PCDHA6: variants seen among roughly 807,000 people sequenced by gnomAD.
PCDHA6 encodes the protein protocadherin alpha-6.
PCDHA6 carries 55 observed loss-of-function variants against 60.3 expected under a neutral mutation model. That is an observed-to-expected ratio of 0.91 (90% confidence interval 0.73 to 1.14). The LOEUF (loss-of-function observed/expected upper bound fraction) is 1.14. Among genes scored for constraint, PCDHA6 ranks in the 50% most tolerant of loss-of-function variants. The probability of loss-of-function intolerance (pLI) is 0.00; values close to 1 mark genes in which losing one functional copy is unlikely to be tolerated. For synonymous variants in PCDHA6, 652 were observed against 557.9 expected, an observed-to-expected ratio of 1.17 and a Z score of -2.38; for missense variants, 1,327 against 1,256.5, an observed-to-expected ratio of 1.06 and a Z score of -0.85.
At position 140,830,444 on chromosome 5, in the gene PCDHA6, A is replaced by G. The variant is rs1204273362; in HGVS notation, c.2353A>G (p.Lys785Glu). ...SLSPCPIMMG[K>E]AENQDLNEDH... ...TTCACCTTGTCCTATTATGATGGGT[A>G]AGGCGGAGAATCAGGATTTAAATGA... Residue 785 changes from lysine (K) to glutamate (E), a missense_variant, in exon 1 of 4, where the codon AAG becomes GAG. Lys to Glu is a moderately conservative substitution (Grantham distance 56). Coordinates refer to ENST00000529310, the MANE Select transcript of PCDHA6 (RefSeq NM_018909.4). 2 of 1,603,464 alleles carry G rather than the reference A, an allele frequency of 1.2e-6. No homozygotes were observed. Among genetic ancestry groups the G allele is most frequent in the African/African-American group, 2.7e-5 (2 of 74,704 alleles).
intron 1 of PCDHA6, among the ~76,000 whole-genome samples, chr5:140,832,258 A>G (rs2150200533): frequency 6.6e-6 from 1 of 152,304 alleles, no homozygotes; most frequent in African/African-American, 2.4e-5. Context: ...TGTTCCCAGG[A>G]AATATTAGAC....
chr5:140,884,019 C>G, intron 1 of PCDHA6: 1 of 1,613,216 alleles, frequency 6.2e-7, no homozygotes. Flanking sequence ...ATGCCGCGGT[C>G]GGTGGGTGCA....
rs2150459394 is a variant in PCDHA6 at position 140,849,947 on chromosome 5, G to A, written c.2394+19462G>A. ...CGGTGTCTGCGCGGGACGCTGACGC[G>A]CAGGAGAACGCCCTGGTGTCCTACT... On this transcript the variant is annotated intron_variant, in intron 1 of 3. Transcript: ENST00000529310. 23 of 1,597,838 alleles carry A rather than the reference G, an allele frequency of 1.4e-5. 5 individuals carry two copies. The highest frequency in any genetic ancestry group is 3.3e-5 in the South Asian group (3 of 90,532).
At chr5:140,864,164 C>T (rs80100422) in intron 1 of PCDHA6, 19,126 of 151,926 alleles carry the variant, frequency 0.13, 1,273 homozygotes, top group Middle Eastern at 0.19. Context: ...TAAATCTTAC[C>T]GGAAGGATCA....
chr5:140,999,528 T>A (rs1414595805), intron 3 of PCDHA6, among the ~76,000 whole-genome samples: 1 of 152,080 alleles, frequency 6.6e-6, no homozygotes, highest in Non-Finnish European at 1.5e-5. Context: ...TGTTACCCCC[T>A]GGATATGACA....
At chr5:140,898,970 C>T (rs2067071539) in intron 1 of PCDHA6, among the ~76,000 whole-genome samples, 2 of 152,006 alleles carry the variant, frequency 1.3e-5, no homozygotes, top group South Asian at 4.2e-4. Context: ...TGGGAGTTCA[C>T]TCATGATTTG....
chr5:140,944,743 T>A (rs1307968034), intron 1 of PCDHA6, among the ~76,000 whole-genome samples: 2 of 152,238 alleles, frequency 1.3e-5, no homozygotes, highest in East Asian at 3.8e-4. Flanking sequence ...TCTGAGCATT[T>A]ACATGGAAAA....
chr5:140,953,456 C>T (rs1159331179), intron 1 of PCDHA6, among the ~76,000 whole-genome samples: 1 of 152,110 alleles, frequency 6.6e-6, no homozygotes, highest in Admixed American at 6.5e-5. Context: ...GATTATCTGT[C>T]AGAGTTTTAA....
intron 1 of PCDHA6, chr5:140,835,625 C>T: frequency 6.2e-7 from 1 of 1,613,902 alleles, no homozygotes; most frequent in Non-Finnish European, 8.5e-7. Flanking sequence ...GCGCTCTGGA[C>T]CGCGAGAGTG....
chr5:140,903,401 T>C (rs577425497), intron 1 of PCDHA6, among the ~76,000 whole-genome samples: 1 of 152,218 alleles, frequency 6.6e-6, no homozygotes, highest in Non-Finnish European at 1.5e-5. Context: ...GAAACAGTAG[T>C]GCAGTCAGGA....
At chr5:140,927,417 G>A (rs74597681) in intron 1 of PCDHA6, 37,118 of 1,614,096 alleles carry the variant, frequency 0.023, 560 homozygotes, top group African/African-American at 0.056. Flanking sequence ...ACATGGGATC[G>A]CGGGTTGACG....
intron 1 of PCDHA6, chr5:140,862,974 T>G: frequency 1.8e-6 from 1 of 545,638 alleles, no homozygotes; most frequent in Non-Finnish European, 3.6e-6. Flanking sequence ...GCAGGCCACT[T>G]GGTGGCGAAG....
intron 1 of PCDHA6, among the ~76,000 whole-genome samples, chr5:140,909,911 A>T (rs747486870): frequency 1.3e-5 from 2 of 152,144 alleles, no homozygotes; most frequent in Non-Finnish European, 2.9e-5. Flanking sequence ...AATGGCAATC[A>T]TTTCCCTTTC....
chr5:140,871,208 C>A (rs782698436), intron 1 of PCDHA6: 1 of 1,613,802 alleles, frequency 6.2e-7, no homozygotes, highest in Non-Finnish European at 8.5e-7. Context: ...CTGATCATCG[C>A]CATCTGCGTG....
chr5:140,857,186 G>A lies in PCDHA6; in HGVS notation c.2394+26701G>A, dbSNP rs782390373. On this transcript the variant is annotated intron_variant, in intron 1 of 3. Coordinates refer to ENST00000529310, the MANE Select transcript of PCDHA6 (RefSeq NM_018909.4). ...CAGCGTTTCTGACCATGATTCAGGA[G>A]CCAACGGACAGGTCACCTGCTCTCT... 5.0e-6 allele frequency: 8 copies of A among 1,598,548 alleles called. No individual in the cohort carries two copies. In the East Asian group the frequency reaches 1.8e-4, roughly 36 times the overall value.
intron 1 of PCDHA6, among the ~76,000 whole-genome samples, chr5:140,872,716 A>G (rs1309493361): frequency 6.6e-6 from 1 of 152,266 alleles, no homozygotes; most frequent in Non-Finnish European, 1.5e-5. Context: ...AACTAGGTAA[A>G]TAAAATTATT....
rs782751899 is a variant in PCDHA6 at position 140,967,272 on chromosome 5, T to G, written c.2395-11677T>G. The G allele has an allele frequency of 1.2e-6, 2 of 1,613,412 alleles. No homozygotes were observed. Among genetic ancestry groups the G allele is most frequent in the East Asian group, 2.2e-5 (1 of 44,860 alleles). On this transcript the variant is annotated intron_variant, in intron 1 of 3. Transcript: ENST00000529310. ...GTGGCGCCTGGAGCGCGCTTTCACA[T>G]AGAGAGTGCGCAGGACCCCGACGTG...
chr5:140,993,346 G>A (rs2097551194), intron 3 of PCDHA6, among the ~76,000 whole-genome samples: 2 of 151,820 alleles, frequency 1.3e-5, no homozygotes, highest in Non-Finnish European at 1.5e-5. Context: ...AGGGCACTAC[G>A]AAGATCCTCA....
rs554030052 is a variant in PCDHA6 at position 140,856,707 on chromosome 5, A to C, written c.2394+26222A>C. The C allele has an allele frequency of 4.6e-4, 729 of 1,596,628 alleles. 58 individuals carry two copies. The South Asian group carries it at 7.4e-3, about 16-fold the overall frequency. ...ACAGCAACTGATGGAGGCAAACCTGAATTTACCGGATCTGTTTCTCTGCTG... is the reference window on the plus strand; with the variant it reads ...ACAGCAACTGATGGAGGCAAACCTGCATTTACCGGATCTGTTTCTCTGCTG... On this transcript the variant is annotated intron_variant, in intron 1 of 3. Coordinates refer to ENST00000529310, the MANE Select transcript of PCDHA6 (RefSeq NM_018909.4).
Sources: gnomAD v4.1 joint callset for allele counts (sites outside exome capture counted in the v4.1 genomes callset) on GRCh38, gnomAD v4.1.1 for gene constraint, MANE v1.5 for transcripts, NCBI Gene and HGNC (gene_info 2026-07-23, HGNC 2026-07-21) for gene names.